ERC2: variants seen among roughly 807,000 people sequenced by gnomAD.
ERC2 encodes the protein ERC protein 2.
In ERC2, 42 loss-of-function variants were observed where a neutral mutation model predicts 114.8. That is an observed-to-expected ratio of 0.37 (90% CI 0.29 to 0.47). The LOEUF (loss-of-function observed/expected upper bound fraction) is 0.47, where lower values mean the gene tolerates loss of function less well. ERC2 is among the 20% of genes least tolerant of loss of function. ERC2 has a pLI of 0.99. For missense variants in ERC2, 939 were observed against 1,150.7 expected (o/e 0.82, Z 2.66); for synonymous variants, 454 against 425.5 (o/e 1.07, Z -0.82).
chr3:55,577,684 C>T (rs1020148822), intron 17 of ERC2, among the ~76,000 whole-genome samples: 4 of 152,182 alleles, frequency 2.6e-5, no homozygotes, highest in African/African-American at 9.6e-5. Flanking sequence ...CAGGCATGCA[C>T]CATACTCTAG....
chr3:56,368,622 G>A (rs554646560), intron 2 of ERC2, among the ~76,000 whole-genome samples: 3 of 152,068 alleles, frequency 2.0e-5, no homozygotes, highest in Non-Finnish European at 4.4e-5. Flanking sequence ...TCCTATGAAT[G>A]GGTAATTGGA....
intron 2 of ERC2, among the ~76,000 whole-genome samples, chr3:56,368,940 C>G (rs1435641209): frequency 6.6e-6 from 1 of 152,088 alleles, no homozygotes; most frequent in Non-Finnish European, 1.5e-5. Flanking sequence ...ACTACAGAAG[C>G]AATGCAGAAT....
intron 3 of ERC2, among the ~76,000 whole-genome samples, chr3:56,238,211 C>T (rs2051091037): frequency 6.6e-6 from 1 of 152,152 alleles, no homozygotes; most frequent in South Asian, 2.1e-4. Flanking sequence ...GGACTCCAGA[C>T]CGGAGGGTGC....
chr3:56,285,384 T>C (rs2054628464), intron 3 of ERC2, among the ~76,000 whole-genome samples: 1 of 151,684 alleles, frequency 6.6e-6, no homozygotes, highest in Non-Finnish European at 1.5e-5. Flanking sequence ...TAATTGCATC[T>C]AGTAAGCAAA....
In ERC2 at chr3:55,797,152, A is replaced by G. The variant is rs558390252; in HGVS notation, c.2565-62234T>C. On this transcript the variant is annotated intron_variant, in intron 14 of 17. Coordinates refer to ENST00000288221, the MANE Select transcript of ERC2 (RefSeq NM_015576.3). ...GACACTTCCAGCATTGTGTCTGACT[A>G]GATGCTAGGAAAGGCCCTCTCAAAA... Among the ~76,000 whole-genome samples, 4 of 152,350 alleles carry G rather than the reference A, an allele frequency of 2.6e-5. No homozygotes were observed. The South Asian group carries it at 8.3e-4, about 32-fold the overall frequency.
At chr3:56,265,745 T>C (rs1159076001) in intron 3 of ERC2, among the ~76,000 whole-genome samples, 1 of 152,020 alleles carries the variant, frequency 6.6e-6, no homozygotes, top group Admixed American at 6.6e-5. Flanking sequence ...CAAAACTCAA[T>C]AGGCCAGGCA....
rs183021300 is a variant in ERC2, at chr3:55,899,514, A to T, written c.2404-10965T>A. Among the ~76,000 whole-genome samples, 69 of 151,948 alleles carry T rather than the reference A, an allele frequency of 4.5e-4. 1 individual carries two copies. The Middle Eastern group carries it at 0.01, about 22-fold the overall frequency. ...ATACGTGTGTGAGTGTGTGTGTGTG[A>T]GAGAGAGAGTGTGTGTGTGATTTAA... On this transcript the variant is annotated intron_variant, in intron 13 of 17. Coordinates refer to ENST00000288221, the MANE Select transcript of ERC2 (RefSeq NM_015576.3).
chr3:55,946,789 A>C (rs542453667), intron 13 of ERC2, among the ~76,000 whole-genome samples: 1 of 152,268 alleles, frequency 6.6e-6, no homozygotes, highest in South Asian at 2.1e-4. Flanking sequence ...AAAAAAAATG[A>C]TTTGAGAAGC....
intron 14 of ERC2, among the ~76,000 whole-genome samples, chr3:55,865,895 T>C (rs1299922567): frequency 6.6e-6 from 1 of 152,216 alleles, no homozygotes; most frequent in East Asian, 1.9e-4. Flanking sequence ...TTGGCTATTA[T>C]ACATAATGCT....
chr3:56,156,630 T>C (rs2081737826), intron 4 of ERC2, among the ~76,000 whole-genome samples: 1 of 152,190 alleles, frequency 6.6e-6, no homozygotes. Context: ...TAGCTGTACC[T>C]GTGCCTCTCA....
intron 1 of ERC2, among the ~76,000 whole-genome samples, chr3:56,451,245 C>T (rs1014439524): frequency 2.0e-4 from 30 of 152,088 alleles, no homozygotes; most frequent in Admixed American, 6.5e-5. Flanking sequence ...CCCTAAAAAT[C>T]CAATCACACA....
At chr3:56,456,833 C>T (rs954273011) in intron 1 of ERC2, among the ~76,000 whole-genome samples, 6 of 152,146 alleles carry the variant, frequency 3.9e-5, no homozygotes, top group African/African-American at 9.7e-5. Flanking sequence ...AACTACTTGT[C>T]GGCAGGTAAG....
chr3:55,800,425 A>G (rs1472008832), intron 14 of ERC2, among the ~76,000 whole-genome samples: 2 of 152,134 alleles, frequency 1.3e-5, no homozygotes, highest in Non-Finnish European at 2.9e-5. Flanking sequence ...TACAGGTGTG[A>G]GCCACCGCGC....
intron 17 of ERC2, among the ~76,000 whole-genome samples, chr3:55,580,476 G>C (rs2057206568): frequency 6.6e-6 from 1 of 152,124 alleles, no homozygotes; most frequent in African/African-American, 2.4e-5. Flanking sequence ...CTGGATCAGG[G>C]GTCCTCAAGT....
At chr3:56,275,547 T>C (rs1051318008) in intron 3 of ERC2, among the ~76,000 whole-genome samples, 1 of 152,196 alleles carries the variant, frequency 6.6e-6, no homozygotes, top group Non-Finnish European at 1.5e-5. Flanking sequence ...GGTTCAAAGC[T>C]CTTGCCCTTC....
At chr3:56,270,232 A>G (rs954021213) in intron 3 of ERC2, among the ~76,000 whole-genome samples, 7 of 152,240 alleles carry the variant, frequency 4.6e-5, no homozygotes, top group Admixed American at 3.9e-4. Context: ...TGAACCAAAT[A>G]AATTTTTCCT....
rs148471890 is a variant in ERC2, at chr3:56,066,036, C to T, written c.1641+14781G>A. ...ATGTGCATGTATCTTTATAGCAGAA[C>T]GATTTATATTCCTTTGGGTATATAC... On this transcript the variant is annotated intron_variant, in intron 7 of 17. Coordinates refer to ENST00000288221, the MANE Select transcript of ERC2 (RefSeq NM_015576.3). Among the ~76,000 whole-genome samples, 976 of 152,164 alleles carry T rather than the reference C, an allele frequency of 6.4e-3. 7 individuals carry two copies. The highest frequency in any genetic ancestry group is 0.021 in the African/African-American group (891 of 41,490).
At chr3:56,023,743 T>A (rs974441601) in intron 7 of ERC2, among the ~76,000 whole-genome samples, 1 of 68,504 alleles carries the variant, frequency 1.5e-5, no homozygotes, top group Non-Finnish European at 3.5e-5. Flanking sequence ...ACACCCCACA[T>A]ATTAGCTTAC....
intron 3 of ERC2, among the ~76,000 whole-genome samples, chr3:56,242,520 G>C (rs1212996473): frequency 6.6e-6 from 1 of 151,974 alleles, no homozygotes; most frequent in Admixed American, 6.6e-5. Flanking sequence ...TTTAGAAAGT[G>C]CATAATTTAT....
Sources: gnomAD v4.1 joint callset for allele counts (sites outside exome capture counted in the v4.1 genomes callset) on GRCh38, gnomAD v4.1.1 for gene constraint, MANE v1.5 for transcripts, NCBI Gene and HGNC (gene_info 2026-07-23, HGNC 2026-07-21) for gene names.